Variants in MARVELD2 observed in about 807,000 individuals in gnomAD.
MARVELD2 encodes the protein MARVEL domain containing 2.
Under a neutral mutation model 57.6 loss-of-function variants are expected in MARVELD2, and 49 were observed. The ratio of observed to expected loss-of-function variants is 0.85; its 90% CI spans 0.68 to 1.08. MARVELD2 has a LOEUF of 1.08. Ranked by LOEUF, MARVELD2 falls within the 50% of genes least tolerant of loss-of-function variation. MARVELD2 has a pLI of 0.00. For synonymous variants in MARVELD2, 238 were observed against 258.8 expected (o/e 0.92, Z 0.77); for missense variants, 606 against 701.1 (o/e 0.86, Z 1.53).
At chr5:69,421,411 A>G (rs550708489) in intron 2 of MARVELD2, among the ~76,000 whole-genome samples, 5 of 152,230 alleles carry the variant, frequency 3.3e-5, no homozygotes, top group African/African-American at 1.2e-4. Context: ...ATTTTTTGTA[A>G]TTTTAAGTTA....
chr5:69,420,530 A>T lies in MARVELD2; in HGVS notation c.1145A>T (p.Glu382Val). The change falls in exon 2 of 7, where the codon GAG becomes GTG. Residue 382 changes from glutamate (E) to valine (V), a missense_variant and splice_region_variant. By Grantham distance (121) the Glu-to-Val change is moderately radical. Transcript: ENST00000325631. The stretch of plus-strand genomic sequence containing the variant: ...CATAGAGAATATATGGAACAACAGG[A>T]GGTAAGTGATTTCATAATCCCTCAT... ...RRHREYMEQQ[E>V]INEPSLSSKR... 6.2e-7 allele frequency: 1 copy of T among 1,609,112 alleles called. No individual in the cohort carries two copies. The highest frequency in any genetic ancestry group is 1.1e-5 in the South Asian group (1 of 91,072).
Position 69,441,655 on chromosome 5 carries a change from C to T in MARVELD2, c.*1C>T, listed in dbSNP as rs570049997. On this transcript the variant is annotated 3_prime_UTR_variant, in exon 7 of 7. Transcript: ENST00000325631. ...TTGGGATGTACAAGGTTATTCTTAACGCTTATTTGAAACCACTTTATTTTT... is the reference window on the plus strand; with the variant it reads ...TTGGGATGTACAAGGTTATTCTTAATGCTTATTTGAAACCACTTTATTTTT... 30 of 1,553,488 alleles carry T rather than the reference C, an allele frequency of 1.9e-5. No individual in the cohort carries two copies. The highest frequency in any genetic ancestry group is 1.5e-4 in the Admixed American group (9 of 59,534).
chr5:69,424,885 C>A (rs959978282), intron 3 of MARVELD2, among the ~76,000 whole-genome samples: 1 of 151,920 alleles, frequency 6.6e-6, no homozygotes, highest in Non-Finnish European at 1.5e-5. Flanking sequence ...ATTACCTGCA[C>A]GTGGTGGCAC....
At chr5:69,440,016 A>G (rs1767281126) in intron 5 of MARVELD2, among the ~76,000 whole-genome samples, 1 of 152,202 alleles carries the variant, frequency 6.6e-6, no homozygotes, top group South Asian at 2.1e-4. Context: ...ATAACTCAAA[A>G]AAGAACTTTC....
chr5:69,424,460 A>C (rs574832527), intron 2 of MARVELD2, 141 bp from the exon 3 acceptor site: 33 of 703,798 alleles, frequency 4.7e-5, no homozygotes, highest in Non-Finnish European at 7.6e-5. Flanking sequence ...AAACCTAGGC[A>C]AAAAAAGGAT....
At chr5:69,441,470 T>A in intron 6 of MARVELD2, 62 bp from the exon 7 acceptor site, 1 of 1,585,434 alleles carries the variant, frequency 6.3e-7, no homozygotes, top group East Asian at 2.3e-5. Context: ...TGACAATGTA[T>A]GTTTCTGTGT....
rs768754255 is a variant in MARVELD2 at position 69,419,518 on chromosome 5, C to T, written c.133C>T (p.Pro45Ser). ...HDSERAVSAD[P>S]LPPPPLPLQP... The stretch of plus-strand genomic sequence containing the variant: ...CAGTGAGCGGGCAGTGAGCGCTGAT[C>T]CCTTGCCACCACCCCCTCTCCCATT... The change falls in exon 2 of 7, where the codon CCC (proline) becomes TCC (serine). Residue 45 changes from proline (P) to serine (S), a missense_variant. Transcript: ENST00000325631. 1 of 1,614,170 alleles carries T rather than the reference C, an allele frequency of 6.2e-7. No individual in the cohort carries two copies. The highest frequency in any genetic ancestry group is 8.5e-7 in the Non-Finnish European group (1 of 1,180,046).
chr5:69,417,638 T>C (rs137880039), intron 1 of MARVELD2, among the ~76,000 whole-genome samples: 3 of 152,046 alleles, frequency 2.0e-5, no homozygotes, highest in Non-Finnish European at 4.4e-5. Context: ...ACTTAATGTC[T>C]ACTAAAAATT....
At chr5:69,436,239 C>T (rs1374220759) in intron 5 of MARVELD2, among the ~76,000 whole-genome samples, 3 of 151,820 alleles carry the variant, frequency 2.0e-5, no homozygotes, top group African/African-American at 7.3e-5. Flanking sequence ...CACATGCCTG[C>T]AGTCCCAGCT....
At chr5:69,436,620 C>T (rs977845700) in intron 5 of MARVELD2, among the ~76,000 whole-genome samples, 4 of 152,106 alleles carry the variant, frequency 2.6e-5, no homozygotes, top group South Asian at 4.2e-4. Flanking sequence ...GGCTAAGAGA[C>T]GCCAGTACCA....
intron 3 of MARVELD2, among the ~76,000 whole-genome samples, chr5:69,427,169 T>C (rs1452376477): frequency 6.6e-6 from 1 of 152,200 alleles, no homozygotes; most frequent in African/African-American, 2.4e-5. Flanking sequence ...AAATAATAGA[T>C]ATAAGATCAC....
chr5:69,423,094 C>T (rs1311180236), intron 2 of MARVELD2, among the ~76,000 whole-genome samples: 1 of 152,066 alleles, frequency 6.6e-6, no homozygotes, highest in Non-Finnish European at 1.5e-5. Context: ...CAGGGTTTTG[C>T]CATGTTGGCC....
chr5:69,416,959 A>G (rs1766449049), intron 1 of MARVELD2, among the ~76,000 whole-genome samples: 1 of 152,176 alleles, frequency 6.6e-6, no homozygotes, highest in African/African-American at 2.4e-5. Flanking sequence ...CTCCTAGCAA[A>G]AGACAAAGTC....
intron 1 of MARVELD2, chr5:69,415,523 G>A (rs1356904248): frequency 6.6e-6 from 1 of 152,184 alleles, no homozygotes; most frequent in Non-Finnish European, 1.5e-5. Flanking sequence ...CCTAGCCGGC[G>A]CGGGCAGAAC....
At position 69,441,694 on chromosome 5, in the gene MARVELD2, T is replaced by G; in HGVS notation, c.*40T>G. The G allele has an allele frequency of 7.1e-7, 1 of 1,411,324 alleles. No homozygotes were observed. The highest frequency in any genetic ancestry group is 1.2e-5 in the South Asian group (1 of 83,522). The allele number at this position is 1,411,324 out of a possible 1,614,324, so 87.4% of individuals were successfully genotyped here. A position where few individuals can be genotyped will look rare whatever the true frequency, so the allele number is the denominator to read the frequency against. Reference sequence around the variant, plus strand: ...CACTTTATTTTTTTATTTTATTTTATTTTTTTGAGATGAAGTCTCGCTCTG... The same window carrying G: ...CACTTTATTTTTTTATTTTATTTTAGTTTTTTGAGATGAAGTCTCGCTCTG... On this transcript the variant is annotated 3_prime_UTR_variant, in exon 7 of 7. Transcript: ENST00000325631.
chr5:69,438,893 A>T (rs1003775417), intron 5 of MARVELD2, among the ~76,000 whole-genome samples: 21 of 148,108 alleles, frequency 1.4e-4, no homozygotes, highest in African/African-American at 4.4e-4. Flanking sequence ...TCTCAAAAAT[A>T]AAAAAAAATA....
rs1766965087 is a variant in MARVELD2 at position 69,431,607 on chromosome 5, C to T, written c.1183-920C>T. Among the ~76,000 whole-genome samples, 6 of 151,906 alleles carry T rather than the reference C, an allele frequency of 3.9e-5. 1 individual carries two copies. Among genetic ancestry groups the T allele is most frequent in the Admixed American group, 2.6e-4 (4 of 15,224 alleles). On this transcript the variant is annotated intron_variant, in intron 3 of 6. Transcript: ENST00000325631. ...CTAAATAGGTAAGTTCTTAAGACTG[C>T]GTGTTTGGCATTGCATCATCCACCT...
chr5:69,423,632 CTCTATA>C (rs1766695941), intron 2 of MARVELD2, among the ~76,000 whole-genome samples: 1 of 151,850 alleles, frequency 6.6e-6, no homozygotes, highest in Non-Finnish European at 1.5e-5. Context: ...TGATCTCTCT[CTCTATA>C]TATTTTAAAT....
At position 69,419,888 on chromosome 5, in the gene MARVELD2, CA is replaced by C. The variant is rs781470083; in HGVS notation, c.504del (p.Val169PhefsTer13). ...PYGSLDRHTQTVRTYSEKVEE... is the reference protein window; with the variant it reads ...PYGSLDRHTQXVRTYSEKVEE... ...GGATCTCTAGACCGACACACACAAA[CA>C]GTTCGAACATACAGTGAGAAGGTGG... On this transcript the variant is annotated frameshift_variant, in exon 2 of 7. Coordinates refer to ENST00000325631, the MANE Select transcript of MARVELD2 (RefSeq NM_001038603.3). LOFTEE classifies it high-confidence loss of function. 25 of 1,614,208 alleles carry C rather than the reference CA, an allele frequency of 1.5e-5. No homozygotes were observed. In the South Asian group the frequency reaches 2.7e-4, roughly 18 times the overall value.
Sources: allele counts gnomAD v4.1 joint callset (sites outside exome capture counted in the v4.1 genomes callset), GRCh38; gene constraint gnomAD v4.1.1; transcripts MANE v1.5; gene names NCBI Gene and HGNC (gene_info 2026-07-23, HGNC 2026-07-21).